The following DLGAP2 variants were observed in gnomAD, a reference collection of about 807,000 sequenced individuals.
DLGAP2 encodes the protein disks large-associated protein 2.
DLGAP2 carries 26 observed loss-of-function variants against 100.3 expected under a neutral mutation model. That is an observed-to-expected ratio of 0.26 (90% CI 0.19 to 0.36). The LOEUF (loss-of-function observed/expected upper bound fraction) is 0.36. Among genes scored for constraint, DLGAP2 ranks in the 10% least tolerant of loss-of-function variants. The pLI, the probability that DLGAP2 is intolerant of heterozygous loss-of-function variation, is 1.00. For synonymous variants in DLGAP2, 886 were observed against 630.1 expected, an observed-to-expected ratio of 1.41 and a Z score of -6.08; for missense variants, 1,858 against 1,453.2, an observed-to-expected ratio of 1.28 and a Z score of -4.53.
At chr8:1,658,983 C>A (rs929192910) in intron 8 of DLGAP2, among the ~76,000 whole-genome samples, 1 of 152,044 alleles carries the variant, frequency 6.6e-6, no homozygotes, top group African/African-American at 2.4e-5. Flanking sequence ...TGTAAATTTC[C>A]CTCTAAACAC....
At chr8:793,625 T>C (rs1020633525) in intron 1 of DLGAP2, among the ~76,000 whole-genome samples, 2 of 152,246 alleles carry the variant, frequency 1.3e-5, no homozygotes, top group African/African-American at 4.8e-5. Flanking sequence ...TTCCTGGACT[T>C]GTTCTTCACA....
intron 3 of DLGAP2, among the ~76,000 whole-genome samples, chr8:1,469,707 G>C (rs919354061): frequency 1.3e-5 from 2 of 152,118 alleles, no homozygotes; most frequent in Non-Finnish European, 2.9e-5. Flanking sequence ...ATTCTTTTTT[G>C]TATTAAATTT....
chr8:1,549,783 A>C, intron 5 of DLGAP2, 100 bp downstream of exon 5: 1 of 1,262,694 alleles, frequency 7.9e-7, no homozygotes. Context: ...ATACACATTT[A>C]GGTTGTGCAA....
intron 2 of DLGAP2, among the ~76,000 whole-genome samples, chr8:978,683 G>A (rs960347122): frequency 5.9e-5 from 9 of 151,856 alleles, no homozygotes; most frequent in African/African-American, 9.7e-5. Context: ...TGGGGAGGGC[G>A]TCGGGGATTC....
intron 13 of DLGAP2, among the ~76,000 whole-genome samples, chr8:1,696,491 C>A (rs539725487): frequency 6.6e-6 from 1 of 152,132 alleles, no homozygotes; most frequent in African/African-American, 2.4e-5. Flanking sequence ...GAGAAAGACC[C>A]TGTCTCAAAA....
At chr8:1,055,391 T>C (rs556546437) in intron 2 of DLGAP2, among the ~76,000 whole-genome samples, 1 of 152,342 alleles carries the variant, frequency 6.6e-6, no homozygotes, top group East Asian at 1.9e-4. Context: ...GTAAGTCTCT[T>C]CTTCCTGCTC....
At chr8:1,498,887 C>T (rs1799624076) in intron 3 of DLGAP2, among the ~76,000 whole-genome samples, 1 of 152,190 alleles carries the variant, frequency 6.6e-6, no homozygotes, top group African/African-American at 2.4e-5. Context: ...ACACATGCTG[C>T]ATTAAGCTCT....
intron 1 of DLGAP2, among the ~76,000 whole-genome samples, chr8:834,277 C>T (rs952969191): frequency 6.6e-6 from 1 of 152,198 alleles, no homozygotes; most frequent in Non-Finnish European, 1.5e-5. Context: ...GGGGCAGAGC[C>T]AGTCCTGTAT....
rs754188392 is a variant in DLGAP2 at position 1,548,878 on chromosome 8, A to C, written c.425A>C (p.His142Pro). Reference protein sequence around the residue: ...RHRCSPRSSVHSECVMMPVVL... With the variant: ...RHRCSPRSSVPSECVMMPVVL... Reference sequence around the variant, plus strand: ...CGCTGCTCGCCGCGCAGCTCGGTGCACTCGGAGTGCGTGATGATGCCGGTG... The same window carrying C: ...CGCTGCTCGCCGCGCAGCTCGGTGCCCTCGGAGTGCGTGATGATGCCGGTG... The change falls in exon 5 of 15, where the codon CAC becomes CCC. Residue 142 changes from histidine to proline, a missense_variant. Transcript: ENST00000637795. 6.5e-5 allele frequency: 103 copies of C among 1,594,400 alleles called. No homozygotes were observed. The highest frequency in any genetic ancestry group is 8.3e-5 in the Non-Finnish European group (98 of 1,176,812).
chr8:1,222,485 G>A (rs1052116155), intron 2 of DLGAP2, among the ~76,000 whole-genome samples: 2 of 152,130 alleles, frequency 1.3e-5, no homozygotes, highest in African/African-American at 4.8e-5. Flanking sequence ...CAGTCCACTG[G>A]TAACGACACT....
intron 2 of DLGAP2, among the ~76,000 whole-genome samples, chr8:1,029,192 A>G (rs57088801): frequency 0.037 from 5,639 of 152,244 alleles, 325 homozygotes; most frequent in African/African-American, 0.13. Flanking sequence ...AGGGCTCTGT[A>G]GAAAGTCCAC....
At chr8:1,080,020 G>A (rs778217382) in intron 2 of DLGAP2, among the ~76,000 whole-genome samples, 8 of 152,224 alleles carry the variant, frequency 5.3e-5, no homozygotes, top group Non-Finnish European at 1.2e-4. Context: ...GGAGGCTTCT[G>A]AAAGAGGAGT....
intron 3 of DLGAP2, among the ~76,000 whole-genome samples, chr8:1,326,347 G>C (rs183373846): frequency 9.1e-4 from 139 of 152,322 alleles, no homozygotes; most frequent in Non-Finnish European, 1.2e-3. Flanking sequence ...AACTAAAAAA[G>C]TACTTTAATA....
At chr8:872,886 G>A (rs1797624877) in intron 1 of DLGAP2, among the ~76,000 whole-genome samples, 1 of 152,126 alleles carries the variant, frequency 6.6e-6, no homozygotes, top group African/African-American at 2.4e-5. Context: ...CAGGTGCCAG[G>A]ACCCCCACAG....
chr8:1,342,666 T>G (rs1266510958), intron 3 of DLGAP2, among the ~76,000 whole-genome samples: 1 of 152,220 alleles, frequency 6.6e-6, no homozygotes, highest in Non-Finnish European at 1.5e-5. Context: ...TTTTCTGTTA[T>G]TTCTCATCCC....
At chr8:1,195,922 G>A (rs1797740552) in intron 2 of DLGAP2, among the ~76,000 whole-genome samples, 1 of 152,168 alleles carries the variant, frequency 6.6e-6, no homozygotes. Flanking sequence ...CAAAGTGCAA[G>A]AATATTTTGT....
chr8:1,136,510 T>C (rs1283339966), intron 2 of DLGAP2, among the ~76,000 whole-genome samples: 1 of 152,092 alleles, frequency 6.6e-6, no homozygotes, highest in East Asian at 1.9e-4. Context: ...AAAGCTTCCT[T>C]CGTGAGGGCC....
At chr8:1,203,543 G>C (rs545707995) in intron 2 of DLGAP2, among the ~76,000 whole-genome samples, 1 of 152,192 alleles carries the variant, frequency 6.6e-6, no homozygotes, top group African/African-American at 2.4e-5. Context: ...TGGAACAGAT[G>C]CTAAAGGTTC....
At chr8:1,282,179 C>A (rs1413009002) in intron 3 of DLGAP2, among the ~76,000 whole-genome samples, 3 of 150,402 alleles carry the variant, frequency 2.0e-5, no homozygotes, top group South Asian at 4.3e-4. Context: ...TGACCTGAAC[C>A]CAGCACGTGA....
Sources: gnomAD v4.1 joint callset for allele counts (sites outside exome capture counted in the v4.1 genomes callset) on GRCh38, gnomAD v4.1.1 for gene constraint, MANE v1.5 for transcripts, NCBI Gene and HGNC (gene_info 2026-07-23, HGNC 2026-07-21) for gene names.